LARP4B: variants seen among roughly 807,000 people sequenced by gnomAD.
LARP4B encodes la-related protein 4B.
In LARP4B, 12 loss-of-function variants were observed where a neutral mutation model predicts 89.8. The ratio of observed to expected loss-of-function variants is 0.13; its 90% confidence interval spans 0.09 to 0.22. LARP4B has a LOEUF of 0.22. Ranked by LOEUF, LARP4B falls within the 10% of genes least tolerant of loss-of-function variation. LARP4B has a pLI of 1.00. For missense variants in LARP4B, 757 were observed against 947.7 expected (o/e 0.80, Z 2.64); for synonymous variants, 367 against 363.3 (o/e 1.01, Z -0.12).
intron 1 of LARP4B, among the ~76,000 whole-genome samples, chr10:899,103 C>A (rs911595641): frequency 6.6e-6 from 1 of 152,138 alleles, no homozygotes; most frequent in African/African-American, 2.4e-5. Context: ...TTTTTTCTTA[C>A]AATATGGTAC....
the LARP4B span, chr10:985,858 A>C: frequency 6.6e-6 from 1 of 152,242 alleles, no homozygotes; most frequent in Non-Finnish European, 1.5e-5. Context: ...GTGCTGCCTG[A>C]GGTGAGGGAT....
intron 1 of LARP4B, among the ~76,000 whole-genome samples, chr10:916,259 CTG>C (rs1836819518): frequency 6.6e-6 from 1 of 152,226 alleles, no homozygotes; most frequent in Non-Finnish European, 1.5e-5. Flanking sequence ...GTGTCTTTAA[CTG>C]TAGCTACTCT....
chr10:981,993 G>A, the LARP4B span, among the ~76,000 whole-genome samples: 1 of 152,116 alleles, frequency 6.6e-6, no homozygotes, highest in African/African-American at 2.4e-5. Flanking sequence ...CTAGCAGCAG[G>A]CAGCAGGGTA....
At chr10:951,520 T>A in the LARP4B span, among the ~76,000 whole-genome samples, 1 of 151,924 alleles carries the variant, frequency 6.6e-6, no homozygotes, top group South Asian at 2.1e-4. Context: ...CACTCCAGCC[T>A]GGGTGACAGA....
intron 1 of LARP4B, among the ~76,000 whole-genome samples, chr10:917,496 C>T (rs929397811): frequency 2.6e-5 from 4 of 152,130 alleles, no homozygotes; most frequent in African/African-American, 9.7e-5. Context: ...AAGATATGAC[C>T]AGACTGGTTT....
intron 3 of LARP4B, among the ~76,000 whole-genome samples, chr10:871,827 A>G (rs1276898073): frequency 6.6e-6 from 1 of 152,222 alleles, no homozygotes; most frequent in East Asian, 1.9e-4. Context: ...ACGTCCAAGT[A>G]GAAATCATCG....
intron 3 of LARP4B, among the ~76,000 whole-genome samples, chr10:874,351 A>G (rs1454994748): frequency 1.3e-5 from 2 of 152,200 alleles, no homozygotes; most frequent in South Asian, 2.1e-4. Context: ...ATGTCTGAGC[A>G]CTCCAATTAA....
At chr10:940,176 C>A in the LARP4B span, among the ~76,000 whole-genome samples, 5 of 152,306 alleles carry the variant, frequency 3.3e-5, no homozygotes, top group East Asian at 9.6e-4. Flanking sequence ...CACCACCACG[C>A]CCGGCTAATT....
chr10:985,474 A>G, the LARP4B span: 1 of 152,192 alleles, frequency 6.6e-6, no homozygotes, highest in African/African-American at 2.4e-5. Context: ...AAGCTGAGAC[A>G]TTTTCCCAGG....
intron 3 of LARP4B, among the ~76,000 whole-genome samples, chr10:882,674 C>T (rs960618059): frequency 6.6e-6 from 1 of 152,214 alleles, no homozygotes. Flanking sequence ...TTGGCTAACC[C>T]TGTAAATAGT....
the LARP4B span, among the ~76,000 whole-genome samples, chr10:949,749 T>G: frequency 6.6e-6 from 1 of 152,272 alleles, no homozygotes; most frequent in Non-Finnish European, 1.5e-5. Flanking sequence ...TTGCCATTCG[T>G]ATCCTCTTTG....
intron 1 of LARP4B, among the ~76,000 whole-genome samples, chr10:910,254 T>C (rs903462268): frequency 1.3e-5 from 2 of 152,212 alleles, no homozygotes; most frequent in African/African-American, 2.4e-5. Flanking sequence ...CTTCTGCTAA[T>C]GGGGTGTATA....
intron 3 of LARP4B, among the ~76,000 whole-genome samples, chr10:882,865 C>A (rs1202295836): frequency 2.0e-5 from 3 of 152,170 alleles, no homozygotes; most frequent in Admixed American, 6.5e-5. Context: ...TAGCCTGGTT[C>A]CTCAACCCTG....
chr10:929,641 C>G (rs1413962485), intron 1 of LARP4B, among the ~76,000 whole-genome samples: 1 of 152,022 alleles, frequency 6.6e-6, no homozygotes, highest in Admixed American at 6.6e-5. Flanking sequence ...ATAGCAAAAC[C>G]AGACAACATT....
At chr10:916,543 A>T (rs1225146885) in intron 1 of LARP4B, among the ~76,000 whole-genome samples, 1 of 152,142 alleles carries the variant, frequency 6.6e-6, no homozygotes, top group African/African-American at 2.4e-5. Context: ...TAAAAATACA[A>T]AACTAGCCAG....
chr10:816,473 T>A (rs149661213), intron 15 of LARP4B, among the ~76,000 whole-genome samples: 5 of 152,308 alleles, frequency 3.3e-5, no homozygotes, highest in African/African-American at 1.2e-4. Flanking sequence ...GGTGGTGGCA[T>A]AAGGCTCAGG....
chr10:864,559 C>A lies in LARP4B; in HGVS notation c.142-289G>T, dbSNP rs182188712. ...AGATTCAGTGTTTCACAAACTATAC[C>A]TGAGGAATAGCTGGTGACTTCCTAG... is the stretch of plus-strand genomic sequence containing the variant. On this transcript the variant is annotated intron_variant, in intron 3 of 17. Coordinates refer to ENST00000316157, the MANE Select transcript of LARP4B (RefSeq NM_015155.3). Among the ~76,000 whole-genome samples the A allele has an allele frequency of 2.1e-3, 322 of 152,226 alleles. 3 individuals are homozygous for A. Among genetic ancestry groups the A allele is most frequent in the Non-Finnish European group, 9.6e-4 (65 of 68,024 alleles).
the LARP4B span, among the ~76,000 whole-genome samples, chr10:941,512 G>A: frequency 6.6e-6 from 1 of 151,784 alleles, no homozygotes; most frequent in African/African-American, 2.4e-5. Context: ...TGGGCGGGGG[G>A]TGTCTCACCA....
the LARP4B span, among the ~76,000 whole-genome samples, chr10:945,479 G>A: frequency 6.6e-6 from 1 of 151,960 alleles, no homozygotes; most frequent in African/African-American, 2.4e-5. Flanking sequence ...AAGGTCAGGA[G>A]ATCGAGACCA....
Sources: gnomAD v4.1 joint callset for allele counts (sites outside exome capture counted in the v4.1 genomes callset) on GRCh38, gnomAD v4.1.1 for gene constraint, MANE v1.5 for transcripts, NCBI Gene and HGNC (gene_info 2026-07-23, HGNC 2026-07-21) for gene names.